DCHS2: variants seen among roughly 807,000 people sequenced by gnomAD.
DCHS2 encodes the protein protocadherin-23.
In DCHS2, 142 loss-of-function variants were observed where a neutral mutation model predicts 182.4. That is an observed-to-expected ratio of 0.78 (90% CI 0.68 to 0.89). The LOEUF (loss-of-function observed/expected upper bound fraction) is 0.89. DCHS2 is among the 40% of genes least tolerant of loss of function. The probability of loss-of-function intolerance (pLI) is 0.00; values close to 1 mark genes in which losing one functional copy is unlikely to be tolerated. For synonymous variants in DCHS2, 1,740 were observed against 1,663.3 expected, an observed-to-expected ratio of 1.05 and a Z score of -1.12; for missense variants, 4,319 against 4,198.6, an observed-to-expected ratio of 1.03 and a Z score of -0.79.
chr4:154,366,924 G>A (rs1730398846), intron 2 of DCHS2, among the ~76,000 whole-genome samples: 2 of 152,212 alleles, frequency 1.3e-5, no homozygotes, highest in African/African-American at 4.8e-5. Context: ...AGAAGAAGGT[G>A]TGAGGGAGCA....
At chr4:154,456,674 G>A (rs1425896646) in intron 1 of DCHS2, among the ~76,000 whole-genome samples, 3 of 152,194 alleles carry the variant, frequency 2.0e-5, no homozygotes, top group African/African-American at 7.2e-5. Context: ...GGACTTGATG[G>A]ATTTAGAAAA....
intron 7 of DCHS2, chr4:154,323,301 T>G (rs1236957887): frequency 6.5e-7 from 1 of 1,549,436 alleles, no homozygotes; most frequent in African/African-American, 1.4e-5. Context: ...TCCCAAATGC[T>G]GTTTTTCCCT....
At chr4:154,468,463 C>T (rs1390787014) in intron 1 of DCHS2, among the ~76,000 whole-genome samples, 1 of 152,128 alleles carries the variant, frequency 6.6e-6, no homozygotes, top group Admixed American at 6.6e-5. Flanking sequence ...ATGTTAGCTT[C>T]TAATTATTCA....
intron 3 of DCHS2, among the ~76,000 whole-genome samples, chr4:154,345,286 C>T (rs1035730487): frequency 2.6e-5 from 4 of 152,186 alleles, no homozygotes; most frequent in Admixed American, 6.5e-5. Flanking sequence ...GTTTCCTTTT[C>T]GCCTTTTCTG....
chr4:154,446,707 C>T (rs149731906), intron 1 of DCHS2, among the ~76,000 whole-genome samples: 3 of 152,126 alleles, frequency 2.0e-5, no homozygotes, highest in Non-Finnish European at 4.4e-5. Flanking sequence ...ATGGGACCTA[C>T]AATGCTGCCT....
intron 1 of DCHS2, among the ~76,000 whole-genome samples, chr4:154,479,016 G>T (rs1735807514): frequency 6.6e-6 from 1 of 152,148 alleles, no homozygotes. Flanking sequence ...GCCAAACACA[G>T]ATGACTATAT....
chr4:154,307,686 T>C (rs368778213), intron 10 of DCHS2, among the ~76,000 whole-genome samples: 12 of 152,142 alleles, frequency 7.9e-5, no homozygotes, highest in African/African-American at 2.9e-4. Context: ...TTTACTCCAT[T>C]TGAATATCCA....
At chr4:154,307,484 C>G (rs1234885192) in intron 10 of DCHS2, among the ~76,000 whole-genome samples, 1 of 151,948 alleles carries the variant, frequency 6.6e-6, no homozygotes, top group Non-Finnish European at 1.5e-5. Flanking sequence ...TTCTCTTAGA[C>G]TTCAAGACCT....
At chr4:154,404,652 C>T (rs1344001451) in intron 1 of DCHS2, among the ~76,000 whole-genome samples, 1 of 152,190 alleles carries the variant, frequency 6.6e-6, no homozygotes, top group Admixed American at 6.5e-5. Context: ...TTTATTCTTT[C>T]TCCCTGCACT....
intron 1 of DCHS2, among the ~76,000 whole-genome samples, chr4:154,485,654 T>C (rs920309437): frequency 6.6e-6 from 1 of 152,252 alleles, no homozygotes; most frequent in African/African-American, 2.4e-5. Context: ...TAGATGTTGT[T>C]GAATTCAATC....
At chr4:154,378,882 T>TC (rs936723094) in intron 1 of DCHS2, among the ~76,000 whole-genome samples, 33 of 152,170 alleles carry the variant, frequency 2.2e-4, no homozygotes, top group African/African-American at 7.2e-4. Flanking sequence ...ATGCAGAATG[T>TC]GCTAGATTAT....
At chr4:154,324,220 G>A (rs754014637) in intron 7 of DCHS2, among the ~76,000 whole-genome samples, 1 of 152,058 alleles carries the variant, frequency 6.6e-6, no homozygotes, top group Non-Finnish European at 1.5e-5. Context: ...TATCCTTATT[G>A]ATGCTCAAAC....
chr4:154,285,667 A>C (rs1267131851), intron 13 of DCHS2, among the ~76,000 whole-genome samples: 1 of 151,642 alleles, frequency 6.6e-6, no homozygotes, highest in Non-Finnish European at 1.5e-5. Context: ...AAGCTGGGGG[A>C]AGAATAGGAA....
chr4:154,430,963 C>T (rs1414496760), intron 1 of DCHS2, among the ~76,000 whole-genome samples: 2 of 152,172 alleles, frequency 1.3e-5, no homozygotes, highest in Non-Finnish European at 2.9e-5. Context: ...ATCTTAATTG[C>T]TATGCTTTTA....
intron 1 of DCHS2, among the ~76,000 whole-genome samples, chr4:154,378,167 A>T (rs1730999239): frequency 6.6e-6 from 1 of 152,138 alleles, no homozygotes; most frequent in African/African-American, 2.4e-5. Context: ...ATTTTGCCAT[A>T]CGTACCACTT....
intron 1 of DCHS2, among the ~76,000 whole-genome samples, chr4:154,415,110 T>A (rs1201753071): frequency 6.6e-6 from 1 of 152,240 alleles, no homozygotes; most frequent in Non-Finnish European, 1.5e-5. Context: ...CATTTAGTTA[T>A]ACTACTGAAG....
At chr4:154,482,509 T>C (rs1735960320) in intron 1 of DCHS2, among the ~76,000 whole-genome samples, 1 of 152,050 alleles carries the variant, frequency 6.6e-6, no homozygotes, top group Admixed American at 6.6e-5. Flanking sequence ...GGGAAAAAAA[T>C]GGGCCAATAG....
intron 12 of DCHS2, among the ~76,000 whole-genome samples, chr4:154,299,067 T>G (rs1330726926): frequency 6.6e-6 from 1 of 152,134 alleles, no homozygotes; most frequent in African/African-American, 2.4e-5. Context: ...TATGTTTTAT[T>G]TAACACAAAA....
chr4:154,351,704 T>C (rs1335673889), intron 3 of DCHS2, among the ~76,000 whole-genome samples: 1 of 152,164 alleles, frequency 6.6e-6, no homozygotes, highest in Admixed American at 6.5e-5. Context: ...AGGCATTAGT[T>C]AGATTCTCAT....
Sources: gnomAD v4.1 joint callset for allele counts (sites outside exome capture counted in the v4.1 genomes callset) on GRCh38, gnomAD v4.1.1 for gene constraint, MANE v1.5 for transcripts, NCBI Gene and HGNC (gene_info 2026-07-23, HGNC 2026-07-21) for gene names.